Variants in CDH12 observed in about 807,000 individuals in gnomAD.
CDH12 encodes cadherin-12.
In CDH12, 41 loss-of-function variants were observed where a neutral mutation model predicts 74.1. The ratio of observed to expected loss-of-function variants is 0.55; its 90% CI spans 0.43 to 0.72. The LOEUF is 0.72. Ranked by LOEUF, CDH12 falls within the 30% of genes least tolerant of loss-of-function variation. The pLI is 0.00. For synonymous variants in CDH12, 399 were observed against 355.0 expected (o/e 1.12, Z -1.39); for missense variants, 945 against 977.2 (o/e 0.97, Z 0.44).
intron 1 of CDH12, among the ~76,000 whole-genome samples, chr5:22,665,015 C>T (rs1346991816): frequency 6.6e-6 from 1 of 152,162 alleles, no homozygotes; most frequent in East Asian, 1.9e-4. Flanking sequence ...TATTCACAGG[C>T]ATGATCATAA....
At chr5:21,937,400 A>C (rs1355008608) in intron 6 of CDH12, among the ~76,000 whole-genome samples, 1 of 152,184 alleles carries the variant, frequency 6.6e-6, no homozygotes, top group Non-Finnish European at 1.5e-5. Context: ...ATGAAAGAAT[A>C]TATTTGGATA....
chr5:21,957,579 AT>A (rs1756159014), intron 6 of CDH12, among the ~76,000 whole-genome samples: 1 of 152,022 alleles, frequency 6.6e-6, no homozygotes, highest in African/African-American at 2.4e-5. Flanking sequence ...AGCATCTGTT[AT>A]TTTTTGACAT....
At chr5:22,233,209 C>T (rs977273603) in intron 3 of CDH12, among the ~76,000 whole-genome samples, 2 of 151,586 alleles carry the variant, frequency 1.3e-5, no homozygotes, top group African/African-American at 2.4e-5. Flanking sequence ...ATCAGAATTG[C>T]GTTGATCTAT....
chr5:22,063,232 T>A (rs1443533593), intron 5 of CDH12, among the ~76,000 whole-genome samples: 2 of 152,276 alleles, frequency 1.3e-5, no homozygotes, highest in East Asian at 3.9e-4. Flanking sequence ...ACATATAATT[T>A]TAAAAAACTG....
rs1361857704 is a variant in CDH12 at position 22,760,246 on chromosome 5, C to G, written c.-523+92812G>C. Among the ~76,000 whole-genome samples, 7 of 152,224 alleles carry G rather than the reference C, an allele frequency of 4.6e-5. No homozygotes were observed. The South Asian group carries it at 6.2e-4, about 14-fold the overall frequency. ...TAGGTCTATATAAAACTGATAAAGA[C>G]AATACAGTTTGTTGGTTAACTATAG... On this transcript the variant is annotated intron_variant, in intron 1 of 14. Transcript: ENST00000382254.
At chr5:22,393,164 T>C (rs1330663606) in intron 3 of CDH12, among the ~76,000 whole-genome samples, 1 of 152,096 alleles carries the variant, frequency 6.6e-6, no homozygotes, top group Non-Finnish European at 1.5e-5. Context: ...CAAAATCCAA[T>C]GACATGTCCT....
Position 21,817,060 on chromosome 5 carries a change from G to A in CDH12, c.887C>T (p.Pro296Leu). The change falls in exon 9 of 15, where the codon CCT becomes CTT. Residue 296 changes from proline to leucine, a missense_variant. Physicochemically the swap from Pro to Leu is moderately conservative, Grantham distance 98. Around this residue, in one of 3 missense-constraint regions of CDH12, gnomAD observed 791 missense variants for 792.8 expected, o/e 1.00. Coordinates refer to ENST00000382254, the MANE Select transcript of CDH12 (RefSeq NM_004061.5). The stretch of plus-strand genomic sequence containing the variant: ...AATTTCTGCATTTTGTCCAAAATCA[G>A]GATCCACAGCTCTTATTCTTCCAAT... ...SAIGRIRAVD[P>L]DFGQNAEIEY... The A allele has an allele frequency of 6.2e-7, 1 of 1,612,858 alleles. No individual in the cohort carries two copies. Among genetic ancestry groups the A allele is most frequent in the Non-Finnish European group, 8.5e-7 (1 of 1,179,282 alleles).
chr5:22,069,481 T>A (rs1214576509), intron 5 of CDH12, among the ~76,000 whole-genome samples: 1 of 152,190 alleles, frequency 6.6e-6, no homozygotes, highest in Non-Finnish European at 1.5e-5. Context: ...ATGAGTGTGA[T>A]ACCACTATTA....
chr5:22,001,552 T>C (rs1013078893), intron 5 of CDH12, among the ~76,000 whole-genome samples: 3 of 152,064 alleles, frequency 2.0e-5, no homozygotes, highest in Non-Finnish European at 2.9e-5. Context: ...AAATTGAGTG[T>C]CATGGGGGTT....
intron 3 of CDH12, among the ~76,000 whole-genome samples, chr5:22,263,591 T>G (rs1346436705): frequency 6.6e-6 from 1 of 152,134 alleles, no homozygotes; most frequent in Non-Finnish European, 1.5e-5. Flanking sequence ...GGGGGGTGTA[T>G]GCATCTATGT....
chr5:22,676,300 GTTTA>G (rs1161554557), intron 1 of CDH12, among the ~76,000 whole-genome samples: 1 of 152,078 alleles, frequency 6.6e-6, no homozygotes, highest in African/African-American at 2.4e-5. Context: ...GAAATTATTA[GTTTA>G]CAGCCCTAAA....
chr5:21,995,550 G>A (rs149496572), intron 5 of CDH12, among the ~76,000 whole-genome samples: 2,420 of 151,986 alleles, frequency 0.016, 65 homozygotes, highest in African/African-American at 0.056. Context: ...TGAAAGCTTA[G>A]CAGCCACCTC....
At chr5:22,045,449 A>G (rs1739872085) in intron 5 of CDH12, among the ~76,000 whole-genome samples, 1 of 152,188 alleles carries the variant, frequency 6.6e-6, no homozygotes, top group Admixed American at 6.5e-5. Flanking sequence ...ATATCCAAAG[A>G]AAAGGAAATC....
chr5:22,600,717 T>C (rs1335046894), intron 1 of CDH12, among the ~76,000 whole-genome samples: 1 of 152,084 alleles, frequency 6.6e-6, no homozygotes, highest in East Asian at 1.9e-4. Context: ...GTATAGTTTA[T>C]CTTTTTTTCA....
chr5:22,273,167 G>T (rs1736477639), intron 3 of CDH12, among the ~76,000 whole-genome samples: 1 of 152,068 alleles, frequency 6.6e-6, no homozygotes, highest in East Asian at 1.9e-4. Flanking sequence ...GACCATAACA[G>T]GTGCACTTCA....
intron 10 of CDH12, among the ~76,000 whole-genome samples, chr5:21,797,189 G>C (rs1561192853): frequency 6.6e-6 from 1 of 151,180 alleles, no homozygotes; most frequent in Non-Finnish European, 1.5e-5. Context: ...GCTTAGTGAT[G>C]ATGATGATGA....
At chr5:22,141,014 T>C (rs1746759778) in intron 4 of CDH12, among the ~76,000 whole-genome samples, 1 of 152,184 alleles carries the variant, frequency 6.6e-6, no homozygotes, top group Non-Finnish European at 1.5e-5. Context: ...AAACCTTTCC[T>C]CCTAGTGGAC....
chr5:21,988,625 G>A (rs1391229403), intron 5 of CDH12, among the ~76,000 whole-genome samples: 6 of 151,424 alleles, frequency 4.0e-5, no homozygotes, highest in African/African-American at 1.2e-4. Context: ...AAACATCAAG[G>A]TTTGCTAAAA....
At chr5:22,003,096 A>G (rs1736698325) in intron 5 of CDH12, among the ~76,000 whole-genome samples, 1 of 152,080 alleles carries the variant, frequency 6.6e-6, no homozygotes, top group Non-Finnish European at 1.5e-5. Context: ...TATGGGTGTT[A>G]AGGGATCTTA....
Sources: gnomAD v4.1 joint callset for allele counts (sites outside exome capture counted in the v4.1 genomes callset) on GRCh38, gnomAD v4.1.1 for gene constraint, gnomAD v4.1.1 regional missense constraint, MANE v1.5 for transcripts, NCBI Gene and HGNC (gene_info 2026-07-23, HGNC 2026-07-21) for gene names.